The following MTG2 variants were observed in gnomAD, a reference collection of about 807,000 sequenced individuals.
MTG2 encodes mitochondrial ribosome-associated GTPase 2.
MTG2 carries 23 observed loss-of-function variants against 28.6 expected under a neutral mutation model. The ratio of observed to expected loss-of-function variants is 0.80; its 90% CI spans 0.58 to 1.14. The LOEUF (loss-of-function observed/expected upper bound fraction) is 1.14. Among genes scored for constraint, MTG2 ranks in the 50% most tolerant of loss-of-function variants. MTG2 has a pLI of 0.00. For synonymous variants in MTG2, 260 were observed against 251.8 expected, an observed-to-expected ratio of 1.03 and a Z score of -0.31; for missense variants, 539 against 552.0, an observed-to-expected ratio of 0.98 and a Z score of 0.24.
At position 62,200,889 on chromosome 20, in the gene MTG2, A is replaced by G. The variant is rs954228584; in HGVS notation, c.1033A>G (p.Asn345Asp). The part of the protein sequence containing the change: ...LSARPHAIVA[N>D]KIDLPEAQAN... ...TGCGAGGCCCCACGCAATCGTCGCA[A>G]ACAAGATTGACCTCCCTGAAGCCCA... Residue 345 changes from asparagine (N) to aspartate (D), a missense_variant, in exon 7 of 7, where the codon AAC (asparagine) becomes GAC (aspartate). Physicochemically the swap from Asn to Asp is conservative, Grantham distance 23. Transcript: ENST00000370823. 2 of 1,613,930 alleles carry G rather than the reference A, an allele frequency of 1.2e-6. No homozygotes were observed. Among genetic ancestry groups the G allele is most frequent in the African/African-American group, 1.3e-5 (1 of 74,944 alleles).
At chr20:62,183,764 G>A (rs527600804) in intron 1 of MTG2, among the ~76,000 whole-genome samples, 2 of 152,322 alleles carry the variant, frequency 1.3e-5, no homozygotes, top group East Asian at 3.9e-4. Flanking sequence ...TATAAAAGGG[G>A]GACGGGAAAG....
intron 4 of MTG2, chr20:62,198,398 T>C (rs2058098618): frequency 1.7e-6 from 1 of 587,270 alleles, no homozygotes; most frequent in Non-Finnish European, 3.0e-6. Context: ...AAACACTATT[T>C]GAAAAAGCCC....
Position 62,198,711 on chromosome 20 carries a change from C to A in MTG2, c.546C>A (p.Ala182=). ...DLSCVGDEYI[A]ALGGAGGKGN... ...CTTGCGTGGGAGATGAGTACATTGC[C>A]GCGCTGGGCGGGGCAGGAGGGAAAG... The change falls in exon 5 of 7, where the codon GCC becomes GCA. Residue 182 remains alanine (A), a synonymous_variant. Transcript: ENST00000370823. The A allele has an allele frequency of 6.2e-7, 1 of 1,614,144 alleles. No individual in the cohort carries two copies. The highest frequency in any genetic ancestry group is 2.2e-5 in the East Asian group (1 of 44,880).
intron 2 of MTG2, among the ~76,000 whole-genome samples, chr20:62,194,918 C>T (rs2058032118): frequency 6.6e-6 from 1 of 152,224 alleles, no homozygotes; most frequent in South Asian, 2.1e-4. Context: ...CTTTCCTAGC[C>T]GGGCACAGTG....
At chr20:62,187,581 T>C (rs1322768641) in intron 1 of MTG2, among the ~76,000 whole-genome samples, 2 of 152,238 alleles carry the variant, frequency 1.3e-5, no homozygotes, top group Non-Finnish European at 2.9e-5. Flanking sequence ...TTCAAGAAAT[T>C]TGTCCATTTC....
intron 1 of MTG2, among the ~76,000 whole-genome samples, chr20:62,185,701 C>G (rs1231692088): frequency 6.6e-6 from 1 of 152,164 alleles, no homozygotes; most frequent in Non-Finnish European, 1.5e-5. Flanking sequence ...CATATGTACC[C>G]ACTCGTGACA....
chr20:62,188,008 G>A (rs896265499), intron 1 of MTG2, among the ~76,000 whole-genome samples: 1 of 151,762 alleles, frequency 6.6e-6, no homozygotes, highest in Non-Finnish European at 1.5e-5. Flanking sequence ...GCGGGCGCCT[G>A]TAGTCCCAGC....
chr20:62,199,515 G>A (rs942365226), intron 6 of MTG2, among the ~76,000 whole-genome samples: 16 of 151,450 alleles, frequency 1.1e-4, no homozygotes, highest in Non-Finnish European at 2.1e-4. Context: ...GTGTGGTGGC[G>A]GGCACCTGTA....
chr20:62,196,463 C>T (rs73613556), intron 3 of MTG2, among the ~76,000 whole-genome samples: 3 of 136,906 alleles, frequency 2.2e-5, no homozygotes, highest in African/African-American at 8.1e-5. Flanking sequence ...GCTTGAGGTC[C>T]GGAGTTCGAG....
At chr20:62,186,170 G>C (rs2057841358) in intron 1 of MTG2, among the ~76,000 whole-genome samples, 1 of 152,116 alleles carries the variant, frequency 6.6e-6, no homozygotes, top group South Asian at 2.1e-4. Context: ...CACCACCCCT[G>C]AGCCTTCCCA....
At chr20:62,185,486 A>G (rs956644924) in intron 1 of MTG2, among the ~76,000 whole-genome samples, 1 of 151,992 alleles carries the variant, frequency 6.6e-6, no homozygotes, top group African/African-American at 2.4e-5. Flanking sequence ...TATGTACACA[A>G]ATTAGCTGAG....
intron 2 of MTG2, 112 bp from the exon 3 acceptor site, chr20:62,195,690 C>G: frequency 7.6e-7 from 1 of 1,323,738 alleles, no homozygotes; most frequent in Non-Finnish European, 1.1e-6. Flanking sequence ...TCATTAACCT[C>G]TAATTTTAAT....
intron 1 of MTG2, among the ~76,000 whole-genome samples, chr20:62,184,070 A>C (rs1311241002): frequency 6.6e-6 from 1 of 152,228 alleles, no homozygotes; most frequent in Non-Finnish European, 1.5e-5. Context: ...GTCAAGAATC[A>C]GGTTTCCGCT....
At chr20:62,197,507 G>A (rs929183176) in intron 3 of MTG2, 6 of 161,696 alleles carry the variant, frequency 3.7e-5, no homozygotes, top group Admixed American at 6.3e-5. Context: ...GTGAAAGCAC[G>A]AGGCCTGTGT....
intron 1 of MTG2, among the ~76,000 whole-genome samples, chr20:62,191,684 G>A (rs775361981): frequency 6.6e-6 from 1 of 152,176 alleles, no homozygotes. Flanking sequence ...GTTTTCAGCC[G>A]TCCACTGGGG....
At chr20:62,186,038 C>T (rs1364619336) in intron 1 of MTG2, among the ~76,000 whole-genome samples, 4 of 151,890 alleles carry the variant, frequency 2.6e-5, no homozygotes, top group Admixed American at 2.0e-4. Flanking sequence ...TCCATGTCAC[C>T]TGCATCAGGA....
At chr20:62,200,343 T>A (rs1477608122) in intron 6 of MTG2, 1 of 234,046 alleles carries the variant, frequency 4.3e-6, no homozygotes, top group Non-Finnish European at 8.2e-6. Context: ...ATCAAATGAT[T>A]AGTAGAGTAC....
In MTG2 at chr20:62,195,942, T is replaced by G. The variant is rs754178291; in HGVS notation, c.345T>G (p.Ile115Met). The change falls in exon 3 of 7, where the codon ATT becomes ATG. Residue 115 changes from isoleucine (I) to methionine (M), a missense_variant. By Grantham distance (10) the Ile-to-Met change is conservative (BLOSUM62 1). Coordinates refer to ENST00000370823, the MANE Select transcript of MTG2 (RefSeq NM_015666.4). The stretch of plus-strand genomic sequence containing the variant: ...ACGGAGGCAACGGTGGACACGTCAT[T>G]CTGAGAGGCAGGTGCCCTGGGGCAG... ...GGDGGNGGHV[I>M]LRVDQQVKSL... 3 of 1,613,988 alleles carry G rather than the reference T, an allele frequency of 1.9e-6. No homozygotes were observed. The South Asian group carries it at 3.3e-5, about 18-fold the overall frequency.
chr20:62,199,118 G>A lies in MTG2; in HGVS notation c.688-1G>A. 1.2e-6 allele frequency: 2 copies of A among 1,613,970 alleles called. No individual in the cohort carries two copies. Among genetic ancestry groups the A allele is most frequent in the Non-Finnish European group, 1.7e-6 (2 of 1,179,926 alleles). On this transcript the variant is annotated splice_acceptor_variant, in intron 5 of 6. Transcript: ENST00000370823. LOFTEE classifies it high-confidence loss of function. ...GCCACCGTCTTCCCTCTTTCCCCCA[G>A]GTGGGATTCCCCAACGCCGGGAAGT...
Sources: allele counts gnomAD v4.1 joint callset (sites outside exome capture counted in the v4.1 genomes callset), GRCh38; gene constraint gnomAD v4.1.1; transcripts MANE v1.5; gene names NCBI Gene and HGNC (gene_info 2026-07-23, HGNC 2026-07-21).